Variants in WDR7 observed in about 807,000 individuals in gnomAD.
The protein encoded by WDR7 is WD repeat-containing protein 7.
Under a neutral mutation model 169.4 loss-of-function variants are expected in WDR7, and 46 were observed. The ratio of observed to expected loss-of-function variants is 0.27; its 90% CI spans 0.21 to 0.35. The LOEUF (loss-of-function observed/expected upper bound fraction) is 0.35. Among genes scored for constraint, WDR7 ranks in the 10% least tolerant of loss-of-function variants. The pLI is 1.00. For missense variants in WDR7, 1,534 were observed against 1,859.3 expected (o/e 0.83, Z 3.22); for synonymous variants, 612 against 666.8 (o/e 0.92, Z 1.27).
At chr18:56,742,434 T>G (rs942462998) in intron 14 of WDR7, among the ~76,000 whole-genome samples, 15 of 152,244 alleles carry the variant, frequency 9.9e-5, no homozygotes, top group Non-Finnish European at 1.3e-4. Context: ...AAATAATTTA[T>G]TCTCTTCTAA....
chr18:57,022,435 T>C (rs542309929), intron 27 of WDR7, among the ~76,000 whole-genome samples: 1 of 152,312 alleles, frequency 6.6e-6, no homozygotes, highest in South Asian at 2.1e-4. Context: ...AAGTCATGGG[T>C]CCGTGCTTGC....
intron 14 of WDR7, among the ~76,000 whole-genome samples, chr18:56,750,371 A>G (rs117517162): frequency 0.013 from 1,972 of 151,988 alleles, 21 homozygotes; most frequent in East Asian, 0.033. Flanking sequence ...TGTATTTTGC[A>G]TTTATCGTTG....
intron 12 of WDR7, among the ~76,000 whole-genome samples, chr18:56,700,829 A>C (rs1461234031): frequency 6.6e-6 from 1 of 152,104 alleles, no homozygotes; most frequent in Non-Finnish European, 1.5e-5. Flanking sequence ...TCGGCCTCCC[A>C]AAGTGCTGGG....
intron 20 of WDR7, among the ~76,000 whole-genome samples, chr18:56,866,284 G>A (rs2045881761): frequency 6.6e-6 from 1 of 151,622 alleles, no homozygotes; most frequent in African/African-American, 2.4e-5. Flanking sequence ...CCTAAGAGAT[G>A]CTTTACACAC....
intron 9 of WDR7, among the ~76,000 whole-genome samples, chr18:56,693,711 A>G (rs2025631917): frequency 6.6e-6 from 1 of 151,318 alleles, no homozygotes; most frequent in Non-Finnish European, 1.5e-5. Context: ...AGCTGGGATT[A>G]CAGGCACGCA....
At chr18:56,709,595 C>T (rs898192080) in intron 12 of WDR7, among the ~76,000 whole-genome samples, 2 of 152,150 alleles carry the variant, frequency 1.3e-5, no homozygotes, top group Non-Finnish European at 2.9e-5. Flanking sequence ...TTAAATGACT[C>T]ATCCAAGTCA....
intron 26 of WDR7, among the ~76,000 whole-genome samples, chr18:56,967,621 A>G (rs2047428802): frequency 6.6e-6 from 1 of 152,120 alleles, no homozygotes; most frequent in Non-Finnish European, 1.5e-5. Flanking sequence ...TTTTGAATGC[A>G]TTCTTTGTAA....
intron 26 of WDR7, among the ~76,000 whole-genome samples, chr18:56,964,761 C>A (rs1367370886): frequency 1.3e-5 from 2 of 152,078 alleles, no homozygotes; most frequent in Non-Finnish European, 2.9e-5. Flanking sequence ...AAGTTACCAA[C>A]CCAAATTATT....
chr18:56,965,317 G>A lies in WDR7; in HGVS notation c.4164+2788G>A, dbSNP rs73958720. Among the ~76,000 whole-genome samples, 95 of 152,222 alleles carry A rather than the reference G, an allele frequency of 6.2e-4. 1 individual carries two copies. Among genetic ancestry groups the A allele is most frequent in the African/African-American group, 2.1e-3 (88 of 41,526 alleles). ...TGAGAAGAGGCCCAGTGGGATCAGAGAACCCATGACTGAGAGACTGAAGGG... is the reference window on the plus strand; with the variant it reads ...TGAGAAGAGGCCCAGTGGGATCAGAAAACCCATGACTGAGAGACTGAAGGG... On this transcript the variant is annotated intron_variant, in intron 26 of 27. Coordinates refer to ENST00000254442, the MANE Select transcript of WDR7 (RefSeq NM_015285.3).
chr18:56,851,596 A>G (rs2045641460), intron 20 of WDR7, among the ~76,000 whole-genome samples: 1 of 152,084 alleles, frequency 6.6e-6, no homozygotes, highest in Non-Finnish European at 1.5e-5. Context: ...GCTGCTCAAC[A>G]ATTGTTTGTT....
At chr18:56,818,154 C>G (rs1433175356) in intron 20 of WDR7, among the ~76,000 whole-genome samples, 1 of 152,158 alleles carries the variant, frequency 6.6e-6, no homozygotes, top group African/African-American at 2.4e-5. Flanking sequence ...TAAACACCTT[C>G]CAATCTATAA....
At chr18:56,760,175 A>G (rs1038466510) in intron 16 of WDR7, among the ~76,000 whole-genome samples, 2 of 152,208 alleles carry the variant, frequency 1.3e-5, no homozygotes, top group East Asian at 3.9e-4. Context: ...AGAAACATGC[A>G]CAAAACAGAA....
chr18:56,950,126 C>T (rs1055129950), intron 25 of WDR7, among the ~76,000 whole-genome samples: 2 of 152,258 alleles, frequency 1.3e-5, no homozygotes, highest in African/African-American at 4.8e-5. Flanking sequence ...GTCAATCTGA[C>T]GAGTGTTTTT....
intron 1 of WDR7, among the ~76,000 whole-genome samples, chr18:56,667,556 G>A (rs988192509): frequency 3.3e-5 from 5 of 152,020 alleles, no homozygotes; most frequent in Non-Finnish European, 7.4e-5. Flanking sequence ...ATAAATTATG[G>A]TTAAGCATAG....
chr18:57,020,068 A>G (rs1301049077), intron 26 of WDR7, among the ~76,000 whole-genome samples: 1 of 152,150 alleles, frequency 6.6e-6, no homozygotes, highest in Non-Finnish European at 1.5e-5. Flanking sequence ...CTAAAATACA[A>G]CTTCCTTTTT....
chr18:56,925,080 T>A (rs553262303), intron 22 of WDR7, among the ~76,000 whole-genome samples: 1 of 152,342 alleles, frequency 6.6e-6, no homozygotes, highest in South Asian at 2.1e-4. Context: ...TCTTTCAAGG[T>A]CCATTCATGT....
In WDR7 at chr18:57,020,865, C is replaced by G; in HGVS notation, c.4269+16C>G. On this transcript the variant is annotated intron_variant, in intron 27 of 27. Transcript: ENST00000254442. ...TTTTTGGCAGGTAAGAGTAGATGCT[C>G]CAGGGTCTTAAAGCATATACTGCGT... 1 of 1,611,090 alleles carries G rather than the reference C, an allele frequency of 6.2e-7. No individual in the cohort carries two copies. The highest frequency in any genetic ancestry group is 1.1e-5 in the South Asian group (1 of 90,992).
At position 56,936,048 on chromosome 18, in the gene WDR7, CAT is replaced by C. The variant is rs368196418; in HGVS notation, c.3831+144_3831+145del. Reference sequence around the variant, plus strand: ...TAATAATTTAGTACTGAAATGAACACATGTGTCTGTGTGCATGTACACTGAAT... The same window carrying C: ...TAATAATTTAGTACTGAAATGAACACGTGTCTGTGTGCATGTACACTGAAT... On this transcript the variant is annotated intron_variant, in intron 23 of 27. Transcript: ENST00000254442. 1,668 of 733,996 alleles carry C rather than the reference CAT, an allele frequency of 2.3e-3. 18 individuals carry two copies. The highest frequency in any genetic ancestry group is 0.014 in the South Asian group (711 of 50,574). 45.5% of individuals were successfully genotyped at this position (733,996 alleles called of 1,614,324 possible).
chr18:56,769,726 C>G (rs932666107), intron 16 of WDR7, among the ~76,000 whole-genome samples: 7 of 152,180 alleles, frequency 4.6e-5, no homozygotes, highest in South Asian at 2.1e-4. Flanking sequence ...TTTAGGTTGT[C>G]TAAACTTAGA....
Sources: allele counts gnomAD v4.1 joint callset (sites outside exome capture counted in the v4.1 genomes callset), GRCh38; gene constraint gnomAD v4.1.1; transcripts MANE v1.5; gene names NCBI Gene and HGNC (gene_info 2026-07-23, HGNC 2026-07-21).